Variants in ZMAT4 observed in about 807,000 individuals in gnomAD.
ZMAT4 encodes the protein zinc finger matrin-type 4, also known as zinc finger matrin-type protein 4.
A neutral mutation model predicts 28.7 loss-of-function variants in ZMAT4; 17 were observed. The observed-to-expected ratio is 0.59, with a 90% CI of 0.41 to 0.89. The LOEUF (loss-of-function observed/expected upper bound fraction) is 0.89. Among genes scored for constraint, ZMAT4 ranks in the 40% least tolerant of loss-of-function variants. ZMAT4 has a pLI of 0.00. For synonymous variants in ZMAT4, 117 were observed against 109.2 expected, an observed-to-expected ratio of 1.07 and a Z score of -0.44; for missense variants, 240 against 283.8, an observed-to-expected ratio of 0.85 and a Z score of 1.11.
chr8:40,780,448 C>A (rs977648617), intron 2 of ZMAT4, among the ~76,000 whole-genome samples: 2 of 152,252 alleles, frequency 1.3e-5, no homozygotes, highest in East Asian at 3.8e-4. Context: ...ACTGTCTGCA[C>A]TTCCAGAAAG....
intron 5 of ZMAT4, among the ~76,000 whole-genome samples, chr8:40,601,450 A>AAGGG (rs1805310643): frequency 2.3e-5 from 2 of 87,736 alleles, no homozygotes; most frequent in African/African-American, 4.1e-5. Flanking sequence ...GGAAGGAAGG[A>AAGGG]AGGAAGGGAG....
intron 3 of ZMAT4, among the ~76,000 whole-genome samples, chr8:40,742,033 G>T (rs1306571403): frequency 6.6e-6 from 1 of 151,662 alleles, no homozygotes; most frequent in Admixed American, 6.6e-5. Flanking sequence ...GAGGCCAGGA[G>T]TTTGAGACCA....
chr8:40,580,106 A>G (rs1276246445), intron 6 of ZMAT4, among the ~76,000 whole-genome samples: 1 of 140,994 alleles, frequency 7.1e-6, no homozygotes, highest in African/African-American at 2.6e-5. Context: ...TCCACCTCCC[A>G]GGTTCAAGAG....
At chr8:40,533,355 G>A (rs1802752929) in intron 6 of ZMAT4, among the ~76,000 whole-genome samples, 1 of 152,182 alleles carries the variant, frequency 6.6e-6, no homozygotes, top group African/African-American at 2.4e-5. Flanking sequence ...CTCGCATGCT[G>A]CTGAAGAAGT....
intron 2 of ZMAT4, among the ~76,000 whole-genome samples, chr8:40,776,974 T>C (rs926443930): frequency 6.6e-6 from 1 of 151,294 alleles, no homozygotes; most frequent in African/African-American, 2.4e-5. Flanking sequence ...TGTAACAAAA[T>C]GAACCTGACC....
At chr8:40,786,844 G>T in intron 2 of ZMAT4, 1 of 785,764 alleles carries the variant, frequency 1.3e-6, no homozygotes, top group Non-Finnish European at 1.9e-6. Context: ...GCATTTCACT[G>T]AAGGCTGTTC....
chr8:40,823,204 A>G (rs1024490200), intron 2 of ZMAT4, among the ~76,000 whole-genome samples: 1 of 152,138 alleles, frequency 6.6e-6, no homozygotes, highest in African/African-American at 2.4e-5. Flanking sequence ...CGAAAGATCA[A>G]ATGAATAAAA....
Position 40,755,351 on chromosome 8 carries a change from A to G in ZMAT4, c.192+12290T>C, listed in dbSNP as rs181259281. Among the ~76,000 whole-genome samples, 227 of 152,208 alleles carry G rather than the reference A, an allele frequency of 1.5e-3. 1 individual carries two copies. The highest frequency in any genetic ancestry group is 6.6e-3 in the South Asian group (32 of 4,816). ...ATACCATCCCTGTTGCAACTACTCA[A>G]TTCTCCCCTTGTGGCATGAAAGCAG... On this transcript the variant is annotated intron_variant, in intron 3 of 6. Transcript: ENST00000297737.
At chr8:40,681,455 T>A (rs1809162205) in intron 4 of ZMAT4, among the ~76,000 whole-genome samples, 1 of 152,230 alleles carries the variant, frequency 6.6e-6, no homozygotes, top group African/African-American at 2.4e-5. Flanking sequence ...TTGCAAATGC[T>A]ACCAACAGTA....
At chr8:40,725,802 T>C (rs1226076791) in intron 3 of ZMAT4, among the ~76,000 whole-genome samples, 1 of 152,116 alleles carries the variant, frequency 6.6e-6, no homozygotes, top group Non-Finnish European at 1.5e-5. Flanking sequence ...ACAATCATGA[T>C]TTCATGTCAG....
At chr8:40,647,015 A>G (rs1807352330) in intron 5 of ZMAT4, among the ~76,000 whole-genome samples, 1 of 152,254 alleles carries the variant, frequency 6.6e-6, no homozygotes, top group African/African-American at 2.4e-5. Context: ...TTTAACCATA[A>G]TGGAACAAAA....
At chr8:40,757,057 G>T (rs1211846684) in intron 3 of ZMAT4, among the ~76,000 whole-genome samples, 2 of 152,094 alleles carry the variant, frequency 1.3e-5, no homozygotes, top group African/African-American at 4.8e-5. Context: ...GCGTTTGGAG[G>T]CCATTTTAAA....
intron 3 of ZMAT4, among the ~76,000 whole-genome samples, chr8:40,748,912 T>C (rs1812346112): frequency 6.6e-6 from 1 of 152,118 alleles, no homozygotes; most frequent in Non-Finnish European, 1.5e-5. Flanking sequence ...ACAATTCCCA[T>C]GCATTGTGGG....
chr8:40,869,628 T>A (rs1382795473), intron 1 of ZMAT4, among the ~76,000 whole-genome samples: 1 of 152,222 alleles, frequency 6.6e-6, no homozygotes, highest in Non-Finnish European at 1.5e-5. Flanking sequence ...CACGTCCACC[T>A]GAGTGCCCAG....
intron 4 of ZMAT4, among the ~76,000 whole-genome samples, chr8:40,692,833 G>C (rs574148738): frequency 2.2e-4 from 33 of 152,112 alleles, no homozygotes; most frequent in Admixed American, 7.9e-4. Context: ...AGAGTTAAAT[G>C]ATGTTTTCTT....
chr8:40,819,356 G>A (rs556263715), intron 2 of ZMAT4, among the ~76,000 whole-genome samples: 33 of 152,242 alleles, frequency 2.2e-4, no homozygotes, highest in African/African-American at 7.7e-4. Context: ...TGACATTGGG[G>A]TCTCAAGTAC....
At chr8:40,589,528 T>C (rs893563575) in intron 5 of ZMAT4, among the ~76,000 whole-genome samples, 4 of 152,310 alleles carry the variant, frequency 2.6e-5, no homozygotes, top group Middle Eastern at 3.4e-3. Context: ...TAAATCTACA[T>C]TGGGACCTAG....
chr8:40,856,391 G>A (rs1817300233), intron 1 of ZMAT4, among the ~76,000 whole-genome samples: 1 of 152,178 alleles, frequency 6.6e-6, no homozygotes, highest in South Asian at 2.1e-4. Context: ...CTCCAGGTAA[G>A]GGAGGACAGC....
chr8:40,539,900 T>C (rs955383879), intron 6 of ZMAT4, among the ~76,000 whole-genome samples: 1 of 152,206 alleles, frequency 6.6e-6, no homozygotes, highest in African/African-American at 2.4e-5. Flanking sequence ...CCTAGATAGA[T>C]TCAGGATGAA....
Sources: allele counts gnomAD v4.1 joint callset (sites outside exome capture counted in the v4.1 genomes callset), GRCh38; gene constraint gnomAD v4.1.1; transcripts MANE v1.5; gene names NCBI Gene and HGNC (gene_info 2026-07-23, HGNC 2026-07-21).